WNK3: variants seen among roughly 807,000 people sequenced by gnomAD.
The protein encoded by WNK3 is serine/threonine-protein kinase WNK3.
In WNK3, 18 loss-of-function variants were observed where a neutral mutation model predicts 116.7. The ratio of observed to expected loss-of-function variants is 0.15; its 90% CI spans 0.11 to 0.23. WNK3 has a LOEUF of 0.23. Among genes scored for constraint, WNK3 ranks in the 10% least tolerant of loss-of-function variants. The pLI is 1.00. For synonymous variants in WNK3, 404 were observed against 469.4 expected (o/e 0.86, Z 1.80); for missense variants, 993 against 1,323.8 (o/e 0.75, Z 3.88).
At chrX:54,280,636 G>C (rs1242415077) in intron 10 of WNK3, among the ~76,000 whole-genome samples, 1 of 112,107 alleles carries the variant, frequency 8.9e-6, no homozygotes, top group African/African-American at 3.2e-5. Flanking sequence ...GCAGCAACAA[G>C]GATGCAGCTG....
intron 22 of WNK3, among the ~76,000 whole-genome samples, chrX:54,210,098 G>A (rs1439007125): frequency 9.0e-6 from 1 of 111,100 alleles, no homozygotes; most frequent in East Asian, 2.8e-4. Context: ...CACCAATCTT[G>A]GCCAAATGGG....
Position 54,357,674 on chromosome X carries a change from C to G in WNK3, c.-120+12G>C, listed in dbSNP as rs1300717032. On this transcript the variant is annotated intron_variant, in intron 1 of 23. Transcript: ENST00000354646. ...CTCTCTCCTAGCGCCCCGGCCGGCCCGGGACCCTCACCAGATTAGAGGCTC... is the reference window on the plus strand; with the variant it reads ...CTCTCTCCTAGCGCCCCGGCCGGCCGGGGACCCTCACCAGATTAGAGGCTC... 8.9e-6 allele frequency: 1 copy of G among 112,548 alleles called. No individual in the cohort carries two copies. Among genetic ancestry groups the G allele is most frequent in the Non-Finnish European group, 1.9e-5 (1 of 53,521 alleles). The allele number at this position is 112,548 out of a possible 1,213,427, so 9.3% of individuals were successfully genotyped here. A position where few individuals can be genotyped will look rare whatever the true frequency, so the allele number is the denominator to read the frequency against.
At chrX:54,240,699 G>T (rs1254656363) in intron 17 of WNK3, among the ~76,000 whole-genome samples, 1 of 111,575 alleles carries the variant, frequency 9.0e-6, no homozygotes, top group African/African-American at 3.3e-5. Flanking sequence ...CGGGCAGCAG[G>T]AGAGAACCCT....
intron 2 of WNK3, among the ~76,000 whole-genome samples, chrX:54,325,855 A>G (rs1235709418): frequency 9.1e-6 from 1 of 110,107 alleles, no homozygotes; most frequent in African/African-American, 3.3e-5. Flanking sequence ...GGAAGAAACT[A>G]TTACAAACTC....
At chrX:54,266,606 A>G (rs1019943979) in intron 10 of WNK3, among the ~76,000 whole-genome samples, 39 of 110,689 alleles carry the variant, frequency 3.5e-4, no homozygotes, top group African/African-American at 1.3e-3. Flanking sequence ...AATGTGATTA[A>G]GACTCACTGC....
intron 1 of WNK3, among the ~76,000 whole-genome samples, chrX:54,345,278 A>AACAAC (rs1378952020): frequency 1.3e-5 from 1 of 78,830 alleles, no homozygotes; most frequent in African/African-American, 4.7e-5. Flanking sequence ...CAACAACTAT[A>AACAAC]TATATATGTA....
At chrX:54,308,186 A>C in intron 4 of WNK3, 107 bp from the exon 5 acceptor site, 1 of 730,509 alleles carries the variant, frequency 1.4e-6, no homozygotes, top group Non-Finnish European at 1.9e-6. Flanking sequence ...CTACTCCCCC[A>C]AAGCAAATTT....
At chrX:54,204,275 C>T (rs1004449256) in intron 22 of WNK3, among the ~76,000 whole-genome samples, 4 of 110,153 alleles carry the variant, frequency 3.6e-5, no homozygotes, top group Admixed American at 9.8e-5. Context: ...CACACCACCA[C>T]GCCCGGCTAA....
At chrX:54,241,424 G>A (rs1039259033) in intron 17 of WNK3, among the ~76,000 whole-genome samples, 5 of 111,315 alleles carry the variant, frequency 4.5e-5, no homozygotes, top group Non-Finnish European at 9.4e-5. Flanking sequence ...TACTAAACTC[G>A]GCAAACAGAA....
intron 10 of WNK3, among the ~76,000 whole-genome samples, chrX:54,265,216 G>A (rs1557157375): frequency 9.0e-6 from 1 of 111,624 alleles, no homozygotes; most frequent in African/African-American, 3.3e-5. Flanking sequence ...CGGGGTGTGG[G>A]TGGCTCATGC....
intron 10 of WNK3, among the ~76,000 whole-genome samples, chrX:54,272,381 G>C (rs925216231): frequency 2.7e-5 from 3 of 109,859 alleles, no homozygotes; most frequent in Non-Finnish European, 5.7e-5. Context: ...CCAGGAGTTC[G>C]AGGCTGCAAT....
rs781900880 is a variant in WNK3 at position 54,281,886 on chromosome X, T to A, written c.2037+11002A>T. Reference sequence around the variant, plus strand: ...TGTCAACACTTAAGTTGTTTCCATATCTTGGCTATTGTGAATAAAGCTGCA... The same window carrying A: ...TGTCAACACTTAAGTTGTTTCCATAACTTGGCTATTGTGAATAAAGCTGCA... On this transcript the variant is annotated intron_variant, in intron 10 of 23. Transcript: ENST00000354646. Among the ~76,000 whole-genome samples, 3 of 111,937 alleles carry A rather than the reference T, an allele frequency of 2.7e-5. No individual in the cohort carries two copies. In the South Asian group the frequency reaches 1.1e-3, roughly 42 times the overall value.
chrX:54,342,292 C>T (rs1319009958), intron 1 of WNK3, among the ~76,000 whole-genome samples: 5 of 107,380 alleles, frequency 4.7e-5, no homozygotes, highest in East Asian at 3.0e-4. Context: ...TATGGCTGGG[C>T]GTGGTGGTAC....
intron 1 of WNK3, among the ~76,000 whole-genome samples, chrX:54,334,510 T>A (rs1447295025): frequency 8.9e-6 from 1 of 112,350 alleles, no homozygotes; most frequent in Non-Finnish European, 1.9e-5. Context: ...TATAATATTT[T>A]CAAGGTCCAC....
intron 10 of WNK3, among the ~76,000 whole-genome samples, chrX:54,268,976 G>A (rs1315953568): frequency 1.8e-5 from 2 of 111,480 alleles, no homozygotes; most frequent in African/African-American, 3.3e-5. Context: ...AGAGAAGCTT[G>A]GCAGGCCCCA....
chrX:54,267,862 C>T (rs1303589404), intron 10 of WNK3, among the ~76,000 whole-genome samples: 2 of 110,418 alleles, frequency 1.8e-5, no homozygotes, highest in Non-Finnish European at 3.8e-5. Flanking sequence ...GACAGAGTTG[C>T]TATTTGTTGA....
At chrX:54,289,005 TA>T (rs2147096519) in intron 10 of WNK3, among the ~76,000 whole-genome samples, 1 of 111,967 alleles carries the variant, frequency 8.9e-6, no homozygotes, top group East Asian at 2.8e-4. Flanking sequence ...CAGTTTGTCC[TA>T]AATAAGATAC....
chrX:54,222,386 AAAAAAAAATTTT>A (rs2067773437), intron 22 of WNK3, among the ~76,000 whole-genome samples: 1 of 108,361 alleles, frequency 9.2e-6, no homozygotes, highest in Non-Finnish European at 1.9e-5. Flanking sequence ...GCCTGTATTT[AAAAAAAAATTTT>A]TTTTTTTTTA....
intron 2 of WNK3, among the ~76,000 whole-genome samples, chrX:54,326,696 G>A (rs782306775): frequency 6.3e-5 from 7 of 110,599 alleles, no homozygotes; most frequent in Non-Finnish European, 1.3e-4. Context: ...TAAAATGAAA[G>A]AAATTATAGC....
Sources: allele counts gnomAD v4.1 joint callset (sites outside exome capture counted in the v4.1 genomes callset), GRCh38; gene constraint gnomAD v4.1.1; transcripts MANE v1.5; gene names NCBI Gene and HGNC (gene_info 2026-07-23, HGNC 2026-07-21).